The following MINDY4 variants were observed in gnomAD, a reference collection of about 807,000 sequenced individuals.
MINDY4 encodes MINDY lysine 48 deubiquitinase 4.
MINDY4 carries 68 observed loss-of-function variants against 87.0 expected under a neutral mutation model. The ratio of observed to expected loss-of-function variants is 0.78; its 90% CI spans 0.64 to 0.96. MINDY4 has a LOEUF of 0.96. Among genes scored for constraint, MINDY4 ranks in the 40% least tolerant of loss-of-function variants. MINDY4 has a pLI of 0.00. For missense variants in MINDY4, 919 were observed against 928.2 expected (o/e 0.99, Z 0.13); for synonymous variants, 379 against 363.2 (o/e 1.04, Z -0.50).
At chr7:30,861,688 G>A (rs1159814243) in intron 13 of MINDY4, among the ~76,000 whole-genome samples, 2 of 152,254 alleles carry the variant, frequency 1.3e-5, no homozygotes, top group African/African-American at 4.8e-5. Context: ...AGCTCCTGGT[G>A]GGTACAAGCC....
At position 30,791,480 on chromosome 7, in the gene MINDY4, T is replaced by G. The variant is rs774318644; in HGVS notation, c.979T>G (p.Leu327Val). The change falls in exon 5 of 18, where the codon TTG (leucine) becomes GTG (valine). Residue 327 changes from leucine to valine, a missense_variant. Coordinates refer to ENST00000265299, the MANE Select transcript of MINDY4 (RefSeq NM_032222.3). ...CAGCACAGACACGGACAGGATGCCCTTGAAGCTCTACTTGCCTGGTGGTAA... is the reference window on the plus strand; with the variant it reads ...CAGCACAGACACGGACAGGATGCCCGTGAAGCTCTACTTGCCTGGTGGTAA... ...DGSTDTDRMP[L>V]KLYLPGGNSR... 1 of 1,614,030 alleles carries G rather than the reference T, an allele frequency of 6.2e-7. No individual in the cohort carries two copies. The highest frequency in any genetic ancestry group is 8.5e-7 in the Non-Finnish European group (1 of 1,179,954).
At chr7:30,793,043 C>T (rs1182312327) in intron 5 of MINDY4, among the ~76,000 whole-genome samples, 6 of 145,826 alleles carry the variant, frequency 4.1e-5, no homozygotes, top group Admixed American at 2.7e-4. Context: ...TAATTCCCAT[C>T]GTGGTTTCTT....
intron 2 of MINDY4, among the ~76,000 whole-genome samples, chr7:30,779,027 A>C (rs1786915463): frequency 6.6e-6 from 1 of 152,180 alleles, no homozygotes; most frequent in African/African-American, 2.4e-5. Context: ...CAGCTAACCC[A>C]GGTGCATTAG....
chr7:30,868,613 G>T (rs1301125345), intron 13 of MINDY4, among the ~76,000 whole-genome samples: 1 of 152,174 alleles, frequency 6.6e-6, no homozygotes, highest in Non-Finnish European at 1.5e-5. Context: ...TACTCTCTCT[G>T]GGCATTCATC....
chr7:30,845,349 G>A (rs1789175203), intron 9 of MINDY4, among the ~76,000 whole-genome samples: 1 of 152,134 alleles, frequency 6.6e-6, no homozygotes, highest in Admixed American at 6.5e-5. Context: ...CACGTGGGCA[G>A]GAACCTCTCT....
rs186494616 is a variant in MINDY4, at chr7:30,816,097, T to C, written c.1074-12582T>C. Among the ~76,000 whole-genome samples the C allele has an allele frequency of 2.8e-4, 42 of 152,056 alleles. 1 individual carries two copies. Among genetic ancestry groups the C allele is most frequent in the Admixed American group, 2.7e-3 (42 of 15,286 alleles). ...GGTCTGGATTAGCCTTTTCAGCCCT[T>C]CCAGCTGGATGAGCTGTATCTAGGT... is the stretch of plus-strand genomic sequence containing the variant. On this transcript the variant is annotated intron_variant, in intron 5 of 17. Transcript: ENST00000265299.
At chr7:30,819,210 A>T (rs540476919) in intron 5 of MINDY4, among the ~76,000 whole-genome samples, 1 of 152,292 alleles carries the variant, frequency 6.6e-6, no homozygotes, top group South Asian at 2.1e-4. Flanking sequence ...ATATTACTTT[A>T]ACTGCTTCCC....
rs376244311 is a variant in MINDY4, at chr7:30,882,193, C to G, written c.1984C>G (p.Leu662Val). The G allele has an allele frequency of 5.3e-5, 86 of 1,607,932 alleles. 1 individual carries two copies. In the Middle Eastern group the frequency reaches 8.2e-4, roughly 15 times the overall value. Residue 662 changes from leucine (L) to valine (V), a missense_variant, in exon 16 of 18, where the codon CTG becomes GTG. By Grantham distance (32) the Leu-to-Val change is conservative. Transcript: ENST00000265299. ...HYNMCQVGCF[L>V]KTPRFPIWVV... ...CTCCCTCATCCAGGTTGGCTGCTTC[C>G]TGAAGACCCCGAGGTTCCCCATCTG...
intron 13 of MINDY4, among the ~76,000 whole-genome samples, chr7:30,862,804 G>A (rs557913160): frequency 6.6e-6 from 1 of 152,348 alleles, no homozygotes; most frequent in African/African-American, 2.4e-5. Context: ...GGCTAACCCA[G>A]CCTGTGCCTT....
intron 5 of MINDY4, among the ~76,000 whole-genome samples, chr7:30,822,182 T>C (rs895651661): frequency 5.3e-5 from 8 of 150,452 alleles, no homozygotes; most frequent in African/African-American, 1.0e-4. Context: ...TTCTTTCTTT[T>C]TTTTTTTTCT....
At chr7:30,820,415 G>A (rs1368788606) in intron 5 of MINDY4, among the ~76,000 whole-genome samples, 1 of 151,898 alleles carries the variant, frequency 6.6e-6, no homozygotes, top group Admixed American at 6.6e-5. Context: ...CAATTCAGTG[G>A]CATTTAGTAC....
intron 6 of MINDY4, among the ~76,000 whole-genome samples, chr7:30,836,366 A>G (rs947115136): frequency 6.6e-6 from 1 of 152,122 alleles, no homozygotes; most frequent in Admixed American, 6.5e-5. Context: ...CTCTATGTCC[A>G]TGCGTGGAAC....
At chr7:30,837,759 A>G (rs1217820221) in intron 7 of MINDY4, among the ~76,000 whole-genome samples, 1 of 152,196 alleles carries the variant, frequency 6.6e-6, no homozygotes, top group Non-Finnish European at 1.5e-5. Context: ...TGAGGCCTGC[A>G]GAGAAAACAG....
chr7:30,878,988 C>T (rs961934372), intron 15 of MINDY4, among the ~76,000 whole-genome samples: 10 of 152,228 alleles, frequency 6.6e-5, no homozygotes, highest in African/African-American at 2.4e-4. Flanking sequence ...TCCCCCTTTC[C>T]AATCCTGTCC....
intron 5 of MINDY4, among the ~76,000 whole-genome samples, chr7:30,793,782 A>G (rs562593532): frequency 6.6e-6 from 1 of 152,196 alleles, no homozygotes; most frequent in East Asian, 1.9e-4. Flanking sequence ...AATGCCTTTT[A>G]TTTTTTATGG....
chr7:30,829,208 C>T (rs553834397), intron 6 of MINDY4, among the ~76,000 whole-genome samples: 4 of 152,346 alleles, frequency 2.6e-5, no homozygotes, highest in East Asian at 3.9e-4. Flanking sequence ...ATCTTCACTT[C>T]TGTGTACATC....
intron 1 of MINDY4, 74 bp from the exon 2 acceptor site, chr7:30,778,358 G>A (rs768827893): frequency 8.2e-6 from 13 of 1,593,222 alleles, no homozygotes; most frequent in South Asian, 1.1e-5. Flanking sequence ...ATCAGGAATC[G>A]TTTGCTTGTG....
intron 3 of MINDY4, among the ~76,000 whole-genome samples, chr7:30,783,468 G>A (rs1728465874): frequency 2.6e-5 from 4 of 152,154 alleles, no homozygotes; most frequent in Admixed American, 2.6e-4. Context: ...TATGCCTAGT[G>A]TTCCATTATT....
intron 3 of MINDY4, among the ~76,000 whole-genome samples, chr7:30,782,581 T>C (rs1787037998): frequency 6.6e-6 from 1 of 152,092 alleles, no homozygotes; most frequent in South Asian, 2.1e-4. Flanking sequence ...TGTGCACATA[T>C]AGTCCCAGCT....
Sources: gnomAD v4.1 joint callset for allele counts (sites outside exome capture counted in the v4.1 genomes callset) on GRCh38, gnomAD v4.1.1 for gene constraint, MANE v1.5 for transcripts, NCBI Gene and HGNC (gene_info 2026-07-23, HGNC 2026-07-21) for gene names.